Variants in ZNF469 observed in about 807,000 individuals in gnomAD.
ZNF469 encodes the protein zinc finger protein 469.
Under a neutral mutation model 1.0 loss-of-function variants are expected in ZNF469, and 1 was observed. The ratio of observed to expected loss-of-function variants is 1.00; its 90% CI spans 0.35 to 4.73. The LOEUF (loss-of-function observed/expected upper bound fraction) is 4.73. ZNF469 is among the 30% of genes most tolerant of loss of function. The probability of loss-of-function intolerance (pLI) is 0.16; values close to 1 mark genes in which losing one functional copy is unlikely to be tolerated. For missense variants in ZNF469, 6,100 were observed against 5,356.3 expected (o/e 1.14, Z -4.33); for synonymous variants, 2,703 against 2,363.4 (o/e 1.14, Z -4.17).
At chr16:88,226,627 A>G in the ZNF469 span, among the ~76,000 whole-genome samples, 6 of 152,064 alleles carry the variant, frequency 3.9e-5, no homozygotes, top group Non-Finnish European at 8.8e-5. Context: ...TCTGGAAAGC[A>G]GATGTCACCC....
At chr16:88,361,444 A>C in the ZNF469 span, among the ~76,000 whole-genome samples, 2 of 152,188 alleles carry the variant, frequency 1.3e-5, no homozygotes, top group African/African-American at 4.8e-5. Context: ...TGAAAACACC[A>C]AATCAGAGAA....
intron 1 of ZNF469, among the ~76,000 whole-genome samples, chr16:88,394,193 T>C (rs879822027): frequency 0.14 from 19,481 of 141,828 alleles, 6,669 homozygotes; most frequent in Non-Finnish European, 0.18. Context: ...CTGCGCTGCC[T>C]GGGAGGAGCG....
At chr16:88,277,219 G>T in the ZNF469 span, among the ~76,000 whole-genome samples, 1 of 149,852 alleles carries the variant, frequency 6.7e-6, no homozygotes, top group African/African-American at 2.5e-5. Context: ...CACGGTTAGT[G>T]CTGTGCCACA....
chr16:88,366,906 CCAT>C, the ZNF469 span, among the ~76,000 whole-genome samples: 28 of 152,168 alleles, frequency 1.8e-4, no homozygotes, highest in African/African-American at 6.0e-4. Context: ...ATCACCAAGA[CCAT>C]CATCATCATC....
Position 88,440,443 on chromosome 16 carries a change from C to A in ZNF469, c.*1111C>A, listed in dbSNP as rs529151428. 6.6e-6 allele frequency: 1 copy of A among 152,200 alleles called. No homozygotes were observed. Among genetic ancestry groups the A allele is most frequent in the East Asian group, 1.9e-4 (1 of 5,152 alleles). The allele number at this position is 152,200 out of a possible 1,614,324, so 9.4% of individuals were successfully genotyped here. A position where few individuals can be genotyped will look rare whatever the true frequency, so the allele number is the denominator to read the frequency against. On this transcript the variant is annotated 3_prime_UTR_variant, in exon 3 of 3. Coordinates refer to ENST00000565624, the MANE Select transcript of ZNF469 (RefSeq NM_001367624.2). ...GCACGTGTCCTCTCACAGCGTCGTG[C>A]CTGTGAAGGTGGGTCAAAGGGTGAG... is the stretch of plus-strand genomic sequence containing the variant.
chr16:88,263,544 T>C, the ZNF469 span, among the ~76,000 whole-genome samples: 1 of 152,138 alleles, frequency 6.6e-6, no homozygotes, highest in South Asian at 2.1e-4. Flanking sequence ...GTTGGTTGGC[T>C]GAGGGCATGG....
chr16:88,296,703 C>T, the ZNF469 span, among the ~76,000 whole-genome samples: 1 of 151,926 alleles, frequency 6.6e-6, no homozygotes, highest in South Asian at 2.1e-4. Flanking sequence ...CATGTGCAGA[C>T]CCATGCTCTC....
chr16:88,340,982 G>T, the ZNF469 span, among the ~76,000 whole-genome samples: 37 of 152,236 alleles, frequency 2.4e-4, no homozygotes, highest in Non-Finnish European at 4.9e-4. Context: ...CCCGGGCAAA[G>T]CGGTCCAGGC....
At chr16:88,167,743 T>C in the ZNF469 span, among the ~76,000 whole-genome samples, 1 of 152,098 alleles carries the variant, frequency 6.6e-6, no homozygotes, top group South Asian at 2.1e-4. Flanking sequence ...GAGCTGCAAA[T>C]GGGGGGTGGG....
At chr16:88,231,298 C>T in the ZNF469 span, among the ~76,000 whole-genome samples, 3 of 152,030 alleles carry the variant, frequency 2.0e-5, no homozygotes, top group Non-Finnish European at 2.9e-5. This position sits in a 1 kb window ranked among gnomAD's most constrained non-coding sequence, Gnocchi z 4.5. Context: ...AAGGTTTGGG[C>T]GGGGCTCAGG....
rs56236932 is a variant in ZNF469, at chr16:88,437,796, G to T, written c.10326G>T (p.Arg3442Ser). The stretch of plus-strand genomic sequence containing the variant: ...ACCGCCACATGAACAAGCACCTCAG[G>T]GGGGGGCGGCAGCCCTTCGCGTTCC... ...QFDRHMNKHL[R>S]GGRQPFAFRG... The change falls in exon 3 of 3, where the codon AGG becomes AGT. Residue 3442 changes from arginine to serine, a missense_variant. Coordinates refer to ENST00000565624, the MANE Select transcript of ZNF469 (RefSeq NM_001367624.2). 1,300 of 1,546,354 alleles carry T rather than the reference G, an allele frequency of 8.4e-4. 4 individuals carry two copies. The highest frequency in any genetic ancestry group is 4.0e-3 in the African/African-American group (291 of 73,078).
the ZNF469 span, among the ~76,000 whole-genome samples, chr16:88,338,419 G>A: frequency 6.6e-6 from 1 of 152,212 alleles, no homozygotes; most frequent in Non-Finnish European, 1.5e-5. Flanking sequence ...ACTGTGCCCT[G>A]GTCGACTTGA....
the ZNF469 span, among the ~76,000 whole-genome samples, chr16:88,102,771 G>A: frequency 2.0e-5 from 3 of 152,346 alleles, no homozygotes; most frequent in East Asian, 3.9e-4. Context: ...TGGGGGTGGT[G>A]GGTCACTTGC....
chr16:88,180,485 A>T, the ZNF469 span, among the ~76,000 whole-genome samples: 1 of 152,214 alleles, frequency 6.6e-6, no homozygotes, highest in African/African-American at 2.4e-5. Flanking sequence ...TGAAAGTGCC[A>T]TTCTGGCCAG....
At chr16:88,143,472 C>T in the ZNF469 span, among the ~76,000 whole-genome samples, 2 of 152,106 alleles carry the variant, frequency 1.3e-5, no homozygotes, top group African/African-American at 4.8e-5. Context: ...CACTCCTTCC[C>T]CCTAAGACGC....
At chr16:88,352,808 G>C in the ZNF469 span, among the ~76,000 whole-genome samples, 1 of 152,140 alleles carries the variant, frequency 6.6e-6, no homozygotes, top group African/African-American at 2.4e-5. Context: ...TGGCTGCCCC[G>C]GCCTCACAGC....
At chr16:88,335,298 T>C in the ZNF469 span, among the ~76,000 whole-genome samples, 2 of 152,226 alleles carry the variant, frequency 1.3e-5, no homozygotes, top group African/African-American at 4.8e-5. Context: ...CCCTGGTTAG[T>C]ACATATCTGG....
chr16:88,438,104 C>T lies in ZNF469; in HGVS notation c.10634C>T (p.Ser3545Phe). ...CCGATCAGAGGTTGTGAGCTGCCAT[C>T]CAACCACCAGGAGTGTCCCCCGCCG... The part of the protein sequence containing the change: ...THPIRGCELP[S>F]NHQECPPPSL... Residue 3545 changes from serine (S) to phenylalanine (F), a missense_variant, in exon 3 of 3, where the codon TCC becomes TTC. Coordinates refer to ENST00000565624, the MANE Select transcript of ZNF469 (RefSeq NM_001367624.2). 1 of 1,550,408 alleles carries T rather than the reference C, an allele frequency of 6.4e-7. No individual in the cohort carries two copies. Among genetic ancestry groups the T allele is most frequent in the Non-Finnish European group, 8.7e-7 (1 of 1,146,970 alleles).
At chr16:88,143,964 G>A in the ZNF469 span, among the ~76,000 whole-genome samples, 3 of 152,126 alleles carry the variant, frequency 2.0e-5, no homozygotes, top group Non-Finnish European at 2.9e-5. Flanking sequence ...CCTCCCATCT[G>A]CCCTTCCTCC....
Sources: allele counts gnomAD v4.1 joint callset (sites outside exome capture counted in the v4.1 genomes callset), GRCh38; gene constraint gnomAD v4.1.1; non-coding constraint Gnocchi (gnomAD v3.1); transcripts MANE v1.5; gene names NCBI Gene and HGNC (gene_info 2026-07-23, HGNC 2026-07-21).